The following MAS1 variants were observed in gnomAD, a reference collection of about 807,000 sequenced individuals.
MAS1 encodes proto-oncogene Mas.
For missense variants in MAS1, 387 were observed against 409.7 expected, an observed-to-expected ratio of 0.94 and a Z score of 0.48; for synonymous variants, 163 against 164.2, an observed-to-expected ratio of 0.99 and a Z score of 0.05.
At chr6:159,898,539 C>T in intron 1 of MAS1, among the ~76,000 whole-genome samples, 1 of 147,746 alleles carries the variant, frequency 6.8e-6, no homozygotes, top group Non-Finnish European at 1.5e-5. Flanking sequence ...CCTCCTCCCT[C>T]CTCCTCCCTC....
chr6:159,894,418 C>CAAAAAAAAA (rs5881344), intron 1 of MAS1, among the ~76,000 whole-genome samples: 4 of 79,140 alleles, frequency 5.1e-5, no homozygotes, highest in African/African-American at 1.9e-4. Flanking sequence ...GACCCTGTCT[C>CAAAAAAAAA]AAAAAAAAAA....
chr6:159,893,694 C>T (rs1008574953), intron 1 of MAS1, among the ~76,000 whole-genome samples: 1 of 151,896 alleles, frequency 6.6e-6, no homozygotes, highest in Non-Finnish European at 1.5e-5. Context: ...AGAAATACAG[C>T]CATAGGTGTG....
chr6:159,892,752 C>T (rs576163421), intron 1 of MAS1, among the ~76,000 whole-genome samples: 1 of 152,268 alleles, frequency 6.6e-6, no homozygotes, highest in East Asian at 1.9e-4. Context: ...CTCTGCAAAG[C>T]CCACATCCTT....
chr6:159,902,966 A>G (rs909411735), intron 2 of MAS1, among the ~76,000 whole-genome samples: 2 of 151,948 alleles, frequency 1.3e-5, no homozygotes, highest in African/African-American at 4.8e-5. Context: ...TCTCAGCTCA[A>G]ATGATCTTAT....
rs182238124 is a variant in MAS1, at chr6:159,905,112, T to A, written c.-36-1808T>A. On this transcript the variant is annotated intron_variant, in intron 2 of 2. Coordinates refer to ENST00000674077, the MANE Select transcript of MAS1 (RefSeq NM_002377.4). ...CTGACATCAGTTTGATTGTTGTTGC[T>A]GTTATTGTATTTTGCTTGACTGCCT... is the stretch of plus-strand genomic sequence containing the variant. 2.5e-3 allele frequency among the ~76,000 whole-genome samples: 376 copies of A among 152,356 alleles called. 2 individuals carry two copies. Among genetic ancestry groups the A allele is most frequent in the Non-Finnish European group, 3.5e-3 (238 of 68,032 alleles).
At chr6:159,893,484 A>C (rs1226828051) in intron 1 of MAS1, among the ~76,000 whole-genome samples, 1 of 152,196 alleles carries the variant, frequency 6.6e-6, no homozygotes, top group Admixed American at 6.5e-5. Flanking sequence ...AGTGGCAGAC[A>C]TAGGCAACCA....
chr6:159,909,511 G>C lies in MAS1; in HGVS notation c.*1578G>C, dbSNP rs1305107914. 1 of 152,222 alleles carries C rather than the reference G, an allele frequency of 6.6e-6. No homozygotes were observed. The highest frequency in any genetic ancestry group is 1.9e-4 in the East Asian group (1 of 5,204). 9.4% of individuals were successfully genotyped at this position (152,222 alleles called of 1,614,324 possible). ...TTGGATGCAGGAGGCTTTTCAGTGG[G>C]TGACAACATCTGATTCAGAAACAAG... is the stretch of plus-strand genomic sequence containing the variant. On this transcript the variant is annotated 3_prime_UTR_variant, in exon 3 of 3. Coordinates refer to ENST00000674077, the MANE Select transcript of MAS1 (RefSeq NM_002377.4).
At chr6:159,906,759 A>C (rs1282974349) in intron 2 of MAS1, 161 bp from the exon 3 acceptor site, 1 of 579,300 alleles carries the variant, frequency 1.7e-6, no homozygotes, top group African/African-American at 1.9e-5. Flanking sequence ...TCAGGTCCTA[A>C]AGGCCTAATC....
intron 2 of MAS1, among the ~76,000 whole-genome samples, chr6:159,904,728 A>T (rs997374480): frequency 3.3e-5 from 5 of 151,868 alleles, no homozygotes; most frequent in African/African-American, 9.7e-5. Flanking sequence ...TTATTATCTC[A>T]CTGGGGGTAA....
In MAS1 at chr6:159,893,181, T is replaced by C. The variant is rs146491405; in HGVS notation, c.-244+2048T>C. Among the ~76,000 whole-genome samples, 21 of 152,374 alleles carry C rather than the reference T, an allele frequency of 1.4e-4. No homozygotes were observed. The East Asian group carries it at 3.9e-3, about 28-fold the overall frequency. On this transcript the variant is annotated intron_variant, in intron 1 of 2. Coordinates refer to ENST00000674077, the MANE Select transcript of MAS1 (RefSeq NM_002377.4). ...GTCCTACTTTCCACCATGGTCACCC[T>C]GGCTTATGGTGTCTTGTGTGAGGTG...
chr6:159,907,647 T>C lies in MAS1; in HGVS notation c.692T>C (p.Met231Thr). 1.2e-6 allele frequency: 2 copies of C among 1,614,012 alleles called. No individual in the cohort carries two copies. The highest frequency in any genetic ancestry group is 1.3e-5 in the African/African-American group (1 of 74,976). ...SHSSKLYIVI[M>T]VTIIIFLIFA... ...TCCTCCAAGCTTTACATAGTCATCA[T>C]GGTCACCATCATTATATTCCTCATC... Residue 231 changes from methionine to threonine, a missense_variant, in exon 3 of 3, where the codon ATG becomes ACG. Physicochemically the swap from Met to Thr is moderately conservative, Grantham distance 81. Transcript: ENST00000674077.
intron 1 of MAS1, among the ~76,000 whole-genome samples, chr6:159,896,203 G>A (rs546662290): frequency 6.6e-6 from 1 of 152,242 alleles, no homozygotes; most frequent in South Asian, 2.1e-4. Context: ...AGCTACCTGG[G>A]AGGCTCACTT....
intron 1 of MAS1, among the ~76,000 whole-genome samples, chr6:159,893,697 T>C (rs578078544): frequency 6.6e-6 from 1 of 152,268 alleles, no homozygotes; most frequent in African/African-American, 2.4e-5. Context: ...AATACAGCCA[T>C]AGGTGTGTGT....
At chr6:159,890,277 G>A (rs1164327773), upstream of MAS1, among the ~76,000 whole-genome samples, 1 of 152,160 alleles carries the variant, frequency 6.6e-6, no homozygotes, top group Non-Finnish European at 1.5e-5. Flanking sequence ...CACAAAAAAT[G>A]CAGAACAGGG....
upstream of MAS1, among the ~76,000 whole-genome samples, chr6:159,890,588 AC>A (rs2115104363): frequency 6.6e-6 from 1 of 152,350 alleles, no homozygotes; most frequent in South Asian, 2.1e-4. Flanking sequence ...CTGGGTCTAT[AC>A]ATAGACTCAT....
chr6:159,915,071 T>G lies in MAS1; in HGVS notation c.*7138T>G, dbSNP rs988713894. The G allele has an allele frequency of 6.6e-5, 10 of 152,188 alleles. No individual in the cohort carries two copies. The highest frequency in any genetic ancestry group is 2.4e-4 in the African/African-American group (10 of 41,430). The allele number at this position is 152,188 out of a possible 1,614,324, so 9.4% of individuals were successfully genotyped here. On this transcript the variant is annotated 3_prime_UTR_variant, in exon 3 of 3. Transcript: ENST00000674077. ...TTTGAATAGTTGGAATCTATTTCTGTGGGGGGAATGGTTCCAGAGAATCTT... is the reference window on the plus strand; with the variant it reads ...TTTGAATAGTTGGAATCTATTTCTGGGGGGGGAATGGTTCCAGAGAATCTT...
chr6:159,916,327 G>C lies in MAS1; in HGVS notation c.*8394G>C, dbSNP rs1005869794. The C allele has an allele frequency of 6.6e-6, 1 of 152,228 alleles. No individual in the cohort carries two copies. The highest frequency in any genetic ancestry group is 2.1e-4 in the South Asian group (1 of 4,830). 9.4% of individuals were successfully genotyped at this position (152,228 alleles called of 1,614,324 possible). On this transcript the variant is annotated 3_prime_UTR_variant, in exon 3 of 3. Coordinates refer to ENST00000674077, the MANE Select transcript of MAS1 (RefSeq NM_002377.4). The stretch of plus-strand genomic sequence containing the variant: ...AGAGACAGAAGGTAGAATGGTGGTG[G>C]CCGGGGGCTGGAGGGAGGAGGGAGT...
chr6:159,907,715 T>C lies in MAS1; in HGVS notation c.760T>C (p.Tyr254His), dbSNP rs1782912619. 2 of 1,613,258 alleles carry C rather than the reference T, an allele frequency of 1.2e-6. No homozygotes were observed. Among genetic ancestry groups the C allele is most frequent in the African/African-American group, 1.3e-5 (1 of 74,726 alleles). ...ACTCCTTTACCTGCTGTACTATGAG[T>C]ATTGGTCGACCTTTGGGAACCTACA... is the stretch of plus-strand genomic sequence containing the variant. ...MRLLYLLYYEYWSTFGNLHHI... is the reference protein window; with the variant it reads ...MRLLYLLYYEHWSTFGNLHHI... The change falls in exon 3 of 3, where the codon TAT (tyrosine) becomes CAT (histidine). Residue 254 changes from tyrosine (Y) to histidine (H), a missense_variant. Physicochemically the swap from Tyr to His is moderately conservative, Grantham distance 83. Coordinates refer to ENST00000674077, the MANE Select transcript of MAS1 (RefSeq NM_002377.4).
At chr6:159,904,278 T>G (rs1325034194) in intron 2 of MAS1, among the ~76,000 whole-genome samples, 1 of 152,154 alleles carries the variant, frequency 6.6e-6, no homozygotes, top group East Asian at 1.9e-4. Context: ...CCTCACGGCC[T>G]CAAATTCCAC....
Sources: gnomAD v4.1 joint callset for allele counts (sites outside exome capture counted in the v4.1 genomes callset) on GRCh38, gnomAD v4.1.1 for gene constraint, MANE v1.5 for transcripts, NCBI Gene and HGNC (gene_info 2026-07-23, HGNC 2026-07-21) for gene names.